Variants in DPP10 observed in about 807,000 individuals in gnomAD.
The protein encoded by DPP10 is dipeptidyl peptidase like 10, also known as inactive dipeptidyl peptidase 10.
A neutral mutation model predicts 120.9 loss-of-function variants in DPP10; 33 were observed. The observed-to-expected ratio is 0.27, with a 90% CI of 0.21 to 0.37. DPP10 has a LOEUF of 0.37. Ranked by LOEUF, DPP10 falls within the 10% of genes least tolerant of loss-of-function variation. DPP10 has a pLI of 1.00. For missense variants in DPP10, 816 were observed against 942.8 expected (o/e 0.87, Z 1.76); for synonymous variants, 337 against 326.1 (o/e 1.03, Z -0.36).
At chr2:114,976,795 A>G (rs1430977753) in intron 1 of DPP10, among the ~76,000 whole-genome samples, 1 of 152,244 alleles carries the variant, frequency 6.6e-6, no homozygotes, top group Non-Finnish European at 1.5e-5. Context: ...TTTAGTTTGC[A>G]GGTTCAATGA....
chr2:114,542,449 G>A (rs1187536256), intron 1 of DPP10, among the ~76,000 whole-genome samples: 1 of 152,152 alleles, frequency 6.6e-6, no homozygotes, highest in Non-Finnish European at 1.5e-5. Context: ...TGGAACACTT[G>A]GAGCTGATGA....
At chr2:114,847,243 T>C (rs1258630386) in intron 1 of DPP10, among the ~76,000 whole-genome samples, 2 of 152,056 alleles carry the variant, frequency 1.3e-5, no homozygotes, top group East Asian at 3.9e-4. Flanking sequence ...ACAGGCTCCT[T>C]CACAATTTCA....
intron 1 of DPP10, among the ~76,000 whole-genome samples, chr2:115,167,674 A>G (rs1559174787): frequency 6.6e-6 from 1 of 151,956 alleles, no homozygotes; most frequent in Non-Finnish European, 1.5e-5. Context: ...TTAAGTTTAC[A>G]GACAACCATA....
chr2:114,791,598 T>C (rs1424825585), intron 1 of DPP10, among the ~76,000 whole-genome samples: 1 of 152,168 alleles, frequency 6.6e-6, no homozygotes, highest in Non-Finnish European at 1.5e-5. Context: ...AAAAAAATCT[T>C]ATGTAAGAAG....
In DPP10 at chr2:115,367,822, T is replaced by G. The variant is rs147138689; in HGVS notation, c.271+23910T>G. ...TATACTATATCTAATAAAACTAGTT[T>G]TAGTATTTGTGCAAACAGAAGTTGA... On this transcript the variant is annotated intron_variant, in intron 3 of 25. Coordinates refer to ENST00000410059, the MANE Select transcript of DPP10 (RefSeq NM_020868.6). Among the ~76,000 whole-genome samples, 733 of 152,110 alleles carry G rather than the reference T, an allele frequency of 4.8e-3. 4 individuals are homozygous for G. Among genetic ancestry groups the G allele is most frequent in the East Asian group, 7.7e-3 (40 of 5,174 alleles).
At chr2:114,909,556 C>T (rs1292108532) in intron 1 of DPP10, among the ~76,000 whole-genome samples, 1 of 151,908 alleles carries the variant, frequency 6.6e-6, no homozygotes, top group African/African-American at 2.4e-5. Context: ...TCTTGCCATT[C>T]AGTAGGAATG....
intron 3 of DPP10, among the ~76,000 whole-genome samples, chr2:115,388,298 C>T (rs146607634): frequency 6.6e-6 from 1 of 152,268 alleles, no homozygotes; most frequent in East Asian, 1.9e-4. Flanking sequence ...GCTTTTATGA[C>T]ATAAGGTGGA....
At chr2:115,731,280 C>A (rs2092903233) in intron 8 of DPP10, among the ~76,000 whole-genome samples, 1 of 151,992 alleles carries the variant, frequency 6.6e-6, no homozygotes, top group African/African-American at 2.4e-5. Flanking sequence ...ATCGCTTGAA[C>A]CAGGGAGTTG....
chr2:114,877,779 C>T (rs1298040698), intron 1 of DPP10, among the ~76,000 whole-genome samples: 1 of 151,970 alleles, frequency 6.6e-6, no homozygotes, highest in East Asian at 1.9e-4. Context: ...AGCCATGAAG[C>T]TGTCCCCGTT....
chr2:114,486,618 C>G (rs1253012678), intron 1 of DPP10, among the ~76,000 whole-genome samples: 1 of 152,026 alleles, frequency 6.6e-6, no homozygotes, highest in Admixed American at 6.6e-5. Flanking sequence ...TGCTAGCAAC[C>G]AGAATTTAGT....
chr2:115,671,169 C>T (rs891865106), intron 5 of DPP10, among the ~76,000 whole-genome samples: 1 of 151,882 alleles, frequency 6.6e-6, no homozygotes, highest in Non-Finnish European at 1.5e-5. Context: ...TCTAAATGTT[C>T]TGTTTTATCC....
At chr2:114,728,684 C>G (rs1676588829) in intron 1 of DPP10, among the ~76,000 whole-genome samples, 1 of 152,138 alleles carries the variant, frequency 6.6e-6, no homozygotes, top group African/African-American at 2.4e-5. Flanking sequence ...GGTAAAATTA[C>G]AGAATTTGAT....
At chr2:115,194,960 C>T (rs372363781) in intron 1 of DPP10, among the ~76,000 whole-genome samples, 49 of 152,216 alleles carry the variant, frequency 3.2e-4, no homozygotes, top group East Asian at 2.7e-3. Context: ...GAAATCGTGG[C>T]GGTGAATTTC....
intron 1 of DPP10, among the ~76,000 whole-genome samples, chr2:114,568,618 C>T (rs986930306): frequency 5.9e-5 from 9 of 152,270 alleles, no homozygotes; most frequent in Admixed American, 2.6e-4. Flanking sequence ...TTTTGTAAGA[C>T]GACAATCAGA....
At chr2:115,016,759 T>C (rs1702672189) in intron 1 of DPP10, among the ~76,000 whole-genome samples, 1 of 152,014 alleles carries the variant, frequency 6.6e-6, no homozygotes, top group African/African-American at 2.4e-5. Flanking sequence ...AAAATGCATG[T>C]ATGTTTATTG....
At chr2:115,120,485 G>A (rs1415777410) in intron 1 of DPP10, among the ~76,000 whole-genome samples, 1 of 152,122 alleles carries the variant, frequency 6.6e-6, no homozygotes, top group Non-Finnish European at 1.5e-5. Flanking sequence ...TGTGGAGAGG[G>A]TAGAGATGTC....
intron 3 of DPP10, among the ~76,000 whole-genome samples, chr2:115,381,042 C>A (rs2066296522): frequency 1.3e-5 from 2 of 152,124 alleles, no homozygotes; most frequent in South Asian, 4.2e-4. Context: ...TAGAGTTGCT[C>A]TTCTCGTGGA....
intron 1 of DPP10, among the ~76,000 whole-genome samples, chr2:114,814,176 C>A (rs941709548): frequency 3.3e-5 from 5 of 152,104 alleles, no homozygotes; most frequent in African/African-American, 1.2e-4. Context: ...AGCAATACAA[C>A]CATTTGATAC....
intron 5 of DPP10, among the ~76,000 whole-genome samples, chr2:115,553,765 G>C (rs2080025952): frequency 1.3e-5 from 2 of 151,216 alleles, no homozygotes; most frequent in East Asian, 3.9e-4. Context: ...ATTCATGGCT[G>C]TACTGGGAAG....
Sources: allele counts gnomAD v4.1 joint callset (sites outside exome capture counted in the v4.1 genomes callset), GRCh38; gene constraint gnomAD v4.1.1; transcripts MANE v1.5; gene names NCBI Gene and HGNC (gene_info 2026-07-23, HGNC 2026-07-21).